The following USP10 variants were observed in gnomAD, a reference collection of about 807,000 sequenced individuals.
USP10 encodes the protein ubiquitin specific peptidase 10.
In USP10, 22 loss-of-function variants were observed where a neutral mutation model predicts 84.5. The observed-to-expected ratio is 0.26, with a 90% CI of 0.19 to 0.37. The LOEUF is 0.37. Ranked by LOEUF, USP10 falls within the 10% of genes least tolerant of loss-of-function variation. The pLI, the probability that USP10 is intolerant of heterozygous loss-of-function variation, is 1.00. For missense variants in USP10, 1,019 were observed against 998.9 expected (o/e 1.02, Z -0.27); for synonymous variants, 454 against 387.6 (o/e 1.17, Z -2.01).
At chr16:84,772,464 T>C (rs1914555768) in intron 11 of USP10, 77 bp from the exon 12 acceptor site, 2 of 1,592,006 alleles carry the variant, frequency 1.3e-6, no homozygotes, top group African/African-American at 1.3e-5. Context: ...AGGACGTCTT[T>C]GAGCGGAAGG....
Position 84,759,360 on chromosome 16 carries a change from T to C in USP10, c.1285-3T>C, listed in dbSNP as rs1912936132. The C allele has an allele frequency of 6.2e-7, 1 of 1,613,844 alleles. No individual in the cohort carries two copies. Among genetic ancestry groups the C allele is most frequent in the Non-Finnish European group, 8.5e-7 (1 of 1,179,738 alleles). On this transcript the variant is annotated splice_polypyrimidine_tract_variant and splice_region_variant and intron_variant, in intron 5 of 13. Coordinates refer to ENST00000219473, the MANE Select transcript of USP10 (RefSeq NM_005153.3). ...TTTACGCTTCCTTACTGCCACTACA[T>C]AGACACTGCAGGCATTGGTTGCTTG... is the stretch of plus-strand genomic sequence containing the variant.
rs528418866 is a variant in USP10 at position 84,762,574 on chromosome 16, C to A, written c.1555-415C>A. On this transcript the variant is annotated intron_variant, in intron 8 of 13. Coordinates refer to ENST00000219473, the MANE Select transcript of USP10 (RefSeq NM_005153.3). ...GGCATGGTGGCACACACCTGGAGTC[C>A]CAGCTACTCGGGAGGCTGAGGCAGG... is the stretch of plus-strand genomic sequence containing the variant. 1.6e-4 allele frequency among the ~76,000 whole-genome samples: 24 copies of A among 152,016 alleles called. No individual in the cohort carries two copies. The South Asian group carries it at 1.9e-3, about 12-fold the overall frequency.
At position 84,720,576 on chromosome 16, in the gene USP10, A is replaced by ATTTTTTTTTTTTTTTTTTTTTTTTTTT. The variant is rs10699847; in HGVS notation, c.22-12836_22-12835insTTTTTTTTTTTTTTTTTTTTTTTTTTT. On this transcript the variant is annotated intron_variant, in intron 1 of 13. Transcript: ENST00000219473. The stretch of plus-strand genomic sequence containing the variant: ...ATGCAGAATAAAAAGATGATGCCCA[A>ATTTTTTTTTTTTTTTTTTTTTTTTTTT]TTTTTTTTTTTTTTTTTTTTTTTGA... 1.7e-4 allele frequency among the ~76,000 whole-genome samples: 15 copies of ATTTTTTTTTTTTTTTTTTTTTTTTTTT among 88,354 alleles called. 1 individual carries two copies. Among genetic ancestry groups the ATTTTTTTTTTTTTTTTTTTTTTTTTTT allele is most frequent in the East Asian group, 4.9e-4 (1 of 2,034 alleles). The allele number at this position is 88,354 out of a possible 152,430, so 58.0% of individuals were successfully genotyped here.
chr16:84,739,469 C>T (rs1910364158), intron 2 of USP10, among the ~76,000 whole-genome samples: 1 of 151,970 alleles, frequency 6.6e-6, no homozygotes, highest in Non-Finnish European at 1.5e-5. Flanking sequence ...GATGGGGTTT[C>T]ACCATGTTGG....
chr16:84,761,831 C>G (rs543205370), intron 8 of USP10, among the ~76,000 whole-genome samples: 2 of 152,376 alleles, frequency 1.3e-5, no homozygotes, highest in Admixed American at 1.3e-4. Context: ...GGCAACCTTG[C>G]AAGCAGGCCT....
At chr16:84,710,565 A>AG (rs1298854749) in intron 1 of USP10, among the ~76,000 whole-genome samples, 2 of 152,070 alleles carry the variant, frequency 1.3e-5, no homozygotes, top group Non-Finnish European at 2.9e-5. Context: ...CTTTATTTTG[A>AG]GGGGGAGGCA....
At chr16:84,702,653 T>TA (rs1444992220) in intron 1 of USP10, among the ~76,000 whole-genome samples, 1 of 152,176 alleles carries the variant, frequency 6.6e-6, no homozygotes, top group Non-Finnish European at 1.5e-5. Context: ...TTGTTAAAGT[T>TA]AAATTTGTCA....
chr16:84,720,893 A>G (rs1907708763), intron 1 of USP10, among the ~76,000 whole-genome samples: 1 of 99,024 alleles, frequency 1.0e-5, no homozygotes, highest in African/African-American at 3.8e-5. Context: ...ATGATGCACA[A>G]TTTTTTTTTT....
intron 10 of USP10, 122 bp from the exon 11 acceptor site, chr16:84,768,071 T>C: frequency 1.7e-6 from 2 of 1,181,582 alleles, no homozygotes; most frequent in Non-Finnish European, 2.3e-6. Context: ...GGCTTTTCTC[T>C]GTGGTCTTTT....
chr16:84,705,782 C>T (rs1163842849), intron 1 of USP10, among the ~76,000 whole-genome samples: 10 of 130,438 alleles, frequency 7.7e-5, no homozygotes, highest in African/African-American at 1.8e-4. Flanking sequence ...TGCAGTGGTG[C>T]GATCTGGGTT....
rs1296356107 is a variant in USP10, at chr16:84,775,166, T to C, written c.2150T>C (p.Leu717Pro). Residue 717 changes from leucine (L) to proline (P), a missense_variant, in exon 13 of 14, where the codon CTT becomes CCT. By Grantham distance (98) the Leu-to-Pro change is moderately conservative (BLOSUM62 -3). Coordinates refer to ENST00000219473, the MANE Select transcript of USP10 (RefSeq NM_005153.3). ...TTGATATTTTGTTTTCCAGAACTGCTTTCTCCAGGGGTTAAAAATAAGAAT... is the reference window on the plus strand; with the variant it reads ...TTGATATTTTGTTTTCCAGAACTGCCTTCTCCAGGGGTTAAAAATAAGAAT... Reference protein sequence around the residue: ...PVDLEISKELLSPGVKNKNFK... With the variant: ...PVDLEISKELPSPGVKNKNFK... The C allele has an allele frequency of 6.2e-7, 1 of 1,613,864 alleles. No individual in the cohort carries two copies. Among genetic ancestry groups the C allele is most frequent in the Admixed American group, 1.7e-5 (1 of 60,030 alleles).
chr16:84,723,114 A>T (rs1023969746), intron 1 of USP10, among the ~76,000 whole-genome samples: 1 of 149,328 alleles, frequency 6.7e-6, no homozygotes, highest in Admixed American at 6.7e-5. Flanking sequence ...AAAAGGATTG[A>T]CCGGCTCCGA....
At chr16:84,735,239 T>TG (rs1488473776) in intron 2 of USP10, among the ~76,000 whole-genome samples, 27 of 130,718 alleles carry the variant, frequency 2.1e-4, no homozygotes, top group East Asian at 4.4e-4. Context: ...GTGTGTGTGG[T>TG]GTGTGTGTTT....
At chr16:84,725,606 T>A (rs1263977799) in intron 1 of USP10, among the ~76,000 whole-genome samples, 1 of 152,074 alleles carries the variant, frequency 6.6e-6, no homozygotes, top group African/African-American at 2.4e-5. Context: ...GGTTTCACCA[T>A]GTTGGCAGTC....
intron 2 of USP10, among the ~76,000 whole-genome samples, chr16:84,738,278 A>G (rs1291686428): frequency 6.6e-6 from 1 of 152,254 alleles, no homozygotes; most frequent in Non-Finnish European, 1.5e-5. Flanking sequence ...TCAGAAAAAG[A>G]TGATTTCTTG....
In USP10 at chr16:84,700,010, G is replaced by A. The variant is rs944783245; in HGVS notation, c.-81G>A. On this transcript the variant is annotated 5_prime_UTR_variant, in exon 1 of 14. In the 5' UTR this introduces an upstream ATG that the reference lacks. Coordinates refer to ENST00000219473, the MANE Select transcript of USP10 (RefSeq NM_005153.3). Reference sequence around the variant, plus strand: ...CGCGGCGGCCGATGCGAGTGTGTATGTGCGGGCGAGAAGATGGCGGCGGCG... The same window carrying A: ...CGCGGCGGCCGATGCGAGTGTGTATATGCGGGCGAGAAGATGGCGGCGGCG... 8.1e-5 allele frequency: 105 copies of A among 1,293,020 alleles called. No individual in the cohort carries two copies. Among genetic ancestry groups the A allele is most frequent in the Non-Finnish European group, 1.0e-4 (101 of 989,552 alleles). 80.1% of individuals were successfully genotyped at this position (1,293,020 alleles called of 1,614,324 possible).
chr16:84,747,864 G>A (rs983302359), intron 4 of USP10, among the ~76,000 whole-genome samples: 2 of 152,018 alleles, frequency 1.3e-5, no homozygotes, highest in Admixed American at 6.5e-5. Context: ...ACCGCACTCA[G>A]GCCAGGCGAT....
chr16:84,740,580 T>G (rs1910510539), intron 3 of USP10, among the ~76,000 whole-genome samples: 1 of 152,274 alleles, frequency 6.6e-6, no homozygotes, highest in Non-Finnish European at 1.5e-5. Context: ...GCCAGCCATG[T>G]AAGATTTAGT....
At chr16:84,703,773 C>T (rs929089283) in intron 1 of USP10, among the ~76,000 whole-genome samples, 2 of 152,158 alleles carry the variant, frequency 1.3e-5, no homozygotes, top group Non-Finnish European at 2.9e-5. Context: ...AGCCAGTGGT[C>T]GCCTTAGTGG....
Sources: gnomAD v4.1 joint callset for allele counts (sites outside exome capture counted in the v4.1 genomes callset) on GRCh38, gnomAD v4.1.1 for gene constraint, MANE v1.5 for transcripts, NCBI Gene and HGNC (gene_info 2026-07-23, HGNC 2026-07-21) for gene names.